Variants in WDR27 observed in about 807,000 individuals in gnomAD.
WDR27 encodes the protein WD repeat-containing protein 27.
Under a neutral mutation model 114.4 loss-of-function variants are expected in WDR27, and 100 were observed. That is an observed-to-expected ratio of 0.87 (90% CI 0.74 to 1.03). The LOEUF is 1.03. WDR27 is among the 50% of genes least tolerant of loss of function. The pLI, the probability that WDR27 is intolerant of heterozygous loss-of-function variation, is 0.00. For synonymous variants in WDR27, 449 were observed against 423.1 expected, an observed-to-expected ratio of 1.06 and a Z score of -0.75; for missense variants, 1,129 against 1,092.9, an observed-to-expected ratio of 1.03 and a Z score of -0.47.
chr6:169,686,721 C>T (rs1783059734), intron 2 of WDR27, among the ~76,000 whole-genome samples: 2 of 152,080 alleles, frequency 1.3e-5, no homozygotes, highest in Non-Finnish European at 2.9e-5. Flanking sequence ...TCACAACAGC[C>T]AAAATATGGA....
At chr6:169,519,395 T>G (rs1477021507) in intron 25 of WDR27, among the ~76,000 whole-genome samples, 4 of 152,216 alleles carry the variant, frequency 2.6e-5, no homozygotes, top group Non-Finnish European at 5.9e-5. Flanking sequence ...TTCTGCAGGA[T>G]ATACAGGAAG....
chr6:169,584,056 T>TCTCCCCATTTC (rs6149942), intron 23 of WDR27, among the ~76,000 whole-genome samples: 141,299 of 151,648 alleles, frequency 0.93, 65,913 homozygotes, highest in East Asian at 0.99. Flanking sequence ...TTGACCCACA[T>TCTCCCCATTTC]CTCCCCCTCC....
intron 7 of WDR27, 58 bp downstream of exon 7, chr6:169,665,428 T>C (rs1049727959): frequency 5.7e-6 from 9 of 1,575,480 alleles, no homozygotes; most frequent in South Asian, 1.2e-5. Flanking sequence ...GACCTTTGTG[T>C]ACAAGCTCAC....
chr6:169,562,719 G>A (rs761504613), intron 25 of WDR27, among the ~76,000 whole-genome samples: 1 of 152,190 alleles, frequency 6.6e-6, no homozygotes, highest in Non-Finnish European at 1.5e-5. Context: ...GGAGCTGGAC[G>A]GAAGGTTAGG....
intron 25 of WDR27, among the ~76,000 whole-genome samples, chr6:169,519,288 A>G (rs1038492260): frequency 6.6e-6 from 1 of 152,210 alleles, no homozygotes; most frequent in Non-Finnish European, 1.5e-5. Context: ...CCCACTCTTC[A>G]GTACCAATTT....
intron 7 of WDR27, 93 bp from the exon 8 acceptor site, chr6:169,664,379 C>T (rs1163792395): frequency 2.8e-5 from 44 of 1,593,972 alleles, no homozygotes; most frequent in Admixed American, 5.1e-5. Flanking sequence ...AGGGCAGACA[C>T]GTCACAGGAC....
chr6:169,700,695 T>A (rs1323860394), intron 1 of WDR27, among the ~76,000 whole-genome samples: 1 of 152,244 alleles, frequency 6.6e-6, no homozygotes, highest in Non-Finnish European at 1.5e-5. Flanking sequence ...AACATGCAAC[T>A]GTTCTATTGG....
chr6:169,608,556 T>A (rs140983753), intron 22 of WDR27, among the ~76,000 whole-genome samples: 147 of 152,260 alleles, frequency 9.7e-4, no homozygotes, highest in Middle Eastern at 3.4e-3. Flanking sequence ...TCGGATCTCA[T>A]GAGACTTATT....
chr6:169,659,165 C>T lies in WDR27; in HGVS notation c.1240G>A (p.Val414Met), dbSNP rs763294437. Residue 414 changes from valine (V) to methionine (M), a missense_variant, in exon 12 of 26, where the codon GTG becomes ATG. Val to Met is a conservative substitution (Grantham distance 21, BLOSUM62 1). Transcript: ENST00000448612. This position sits in a 1 kb window ranked among gnomAD's most constrained non-coding sequence, Gnocchi z 4.3. The part of the protein sequence containing the change: ...LASLFGGKIA[V>M]LEINPAALVR... ...AGCGCGGCCGGGTTGATCTCCAACA[C>T]GGCAATCTTCCCGCCAAAGAGGGAG... 4.6e-5 allele frequency: 74 copies of T among 1,611,364 alleles called. No individual in the cohort carries two copies. The highest frequency in any genetic ancestry group is 1.2e-4 in the African/African-American group (9 of 74,776).
intron 13 of WDR27, among the ~76,000 whole-genome samples, chr6:169,656,119 G>A (rs1027376929): frequency 5.9e-5 from 9 of 152,190 alleles, no homozygotes; most frequent in Admixed American, 3.9e-4. Context: ...GGCTGAGTTT[G>A]GGGCTTTTAT....
intron 14 of WDR27, among the ~76,000 whole-genome samples, chr6:169,651,438 C>G (rs1822529705): frequency 6.6e-6 from 1 of 152,114 alleles, no homozygotes; most frequent in Admixed American, 6.5e-5. Flanking sequence ...TTTAGGGAAT[C>G]TCAAGGCCTC....
intron 25 of WDR27, among the ~76,000 whole-genome samples, chr6:169,567,615 G>A (rs932718028): frequency 1.3e-5 from 2 of 152,114 alleles, no homozygotes; most frequent in African/African-American, 2.4e-5. Context: ...GACTGAAGGC[G>A]GCGTGCTGAG....
At chr6:169,497,681 G>A (rs1052884669) in intron 25 of WDR27, among the ~76,000 whole-genome samples, 1 of 152,052 alleles carries the variant, frequency 6.6e-6, no homozygotes, top group Non-Finnish European at 1.5e-5. Flanking sequence ...TTTGGGAAAC[G>A]CAAAACAAAA....
At chr6:169,456,410 C>T (rs1178578826), downstream of WDR27, among the ~76,000 whole-genome samples, 1 of 152,086 alleles carries the variant, frequency 6.6e-6, no homozygotes, top group Non-Finnish European at 1.5e-5. This position sits in a 1 kb window ranked among gnomAD's most constrained non-coding sequence, Gnocchi z 4.0. Context: ...CCCCCAGCTC[C>T]CTGGTTTCAC....
chr6:169,634,509 T>C lies in WDR27; in HGVS notation c.2020A>G (p.Lys674Glu), dbSNP rs769318018. 6.2e-7 allele frequency: 1 copy of C among 1,611,634 alleles called. No homozygotes were observed. The highest frequency in any genetic ancestry group is 1.1e-5 in the South Asian group (1 of 90,280). ...DEIKRYKQKS[K>E]SKLICRLSTT... ...GAGAGCCTGCAAATCAGCTTGGACTTGCTCTTCTGTTTATATCTGGAAGAG... is the reference window on the plus strand; with the variant it reads ...GAGAGCCTGCAAATCAGCTTGGACTCGCTCTTCTGTTTATATCTGGAAGAG... Residue 674 changes from lysine (K) to glutamate (E), a missense_variant, in exon 20 of 26, where the codon AAG becomes GAG. Physicochemically the swap from Lys to Glu is moderately conservative, Grantham distance 56. Coordinates refer to ENST00000448612, the MANE Select transcript of WDR27 (RefSeq NM_182552.5).
rs1820323683 is a variant in WDR27, at chr6:169,645,116, CT to C, written c.1658-1331del. Among the ~76,000 whole-genome samples, 4 of 134,250 alleles carry C rather than the reference CT, an allele frequency of 3.0e-5. No individual in the cohort carries two copies. In the South Asian group the frequency reaches 9.5e-4, roughly 32 times the overall value. 88.1% of individuals were successfully genotyped at this position (134,250 alleles called of 152,430 possible). A position where few individuals can be genotyped will look rare whatever the true frequency, so the allele number is the denominator to read the frequency against. On this transcript the variant is annotated intron_variant, in intron 16 of 25. Coordinates refer to ENST00000448612, the MANE Select transcript of WDR27 (RefSeq NM_182552.5). ...AAAAGCCTAGTTCGCAGGAGTCCCA[CT>C]GTAGGAAATCCTAGTTCATAGGACT...
At chr6:169,682,428 T>C (rs570384785) in intron 2 of WDR27, among the ~76,000 whole-genome samples, 3 of 152,336 alleles carry the variant, frequency 2.0e-5, no homozygotes, top group African/African-American at 7.2e-5. Context: ...CGCTGAGTCC[T>C]ACCCAGGTCC....
intron 25 of WDR27, among the ~76,000 whole-genome samples, chr6:169,554,549 G>C (rs1475658915): frequency 6.6e-6 from 1 of 152,070 alleles, no homozygotes; most frequent in Non-Finnish European, 1.5e-5. Context: ...ATTGAAGTAG[G>C]GTGCATCCTT....
intron 21 of WDR27, among the ~76,000 whole-genome samples, chr6:169,624,604 A>G (rs1237017805): frequency 6.6e-6 from 1 of 152,152 alleles, no homozygotes. Flanking sequence ...GAGTCAGGTG[A>G]CCTCCCAAGT....
Sources: allele counts gnomAD v4.1 joint callset (sites outside exome capture counted in the v4.1 genomes callset), GRCh38; gene constraint gnomAD v4.1.1; non-coding constraint Gnocchi (gnomAD v3.1); transcripts MANE v1.5; gene names NCBI Gene and HGNC (gene_info 2026-07-23, HGNC 2026-07-21).